MSRA: variants seen among roughly 807,000 people sequenced by gnomAD.
The protein encoded by MSRA is methionine sulfoxide reductase A.
MSRA carries 54 observed loss-of-function variants against 31.3 expected under a neutral mutation model. The observed-to-expected ratio is 1.73, with a 90% confidence interval of 1.39 to 2.17. MSRA has a LOEUF of 2.17. MSRA is among the 30% of genes most tolerant of loss of function. MSRA has a pLI of 0.00. For missense variants in MSRA, 507 were observed against 300.9 expected, an observed-to-expected ratio of 1.69 and a Z score of -5.07; for synonymous variants, 169 against 116.5, an observed-to-expected ratio of 1.45 and a Z score of -2.90.
At chr8:10,249,724 T>C (rs745346374) in intron 3 of MSRA, among the ~76,000 whole-genome samples, 1 of 152,180 alleles carries the variant, frequency 6.6e-6, no homozygotes, top group Non-Finnish European at 1.5e-5. Context: ...TTCTGATGCA[T>C]TTCTGATCTG....
intron 5 of MSRA, among the ~76,000 whole-genome samples, chr8:10,350,602 T>C (rs1008138746): frequency 6.6e-6 from 1 of 152,252 alleles, no homozygotes; most frequent in Non-Finnish European, 1.5e-5. Flanking sequence ...AATGTTTGAA[T>C]TGGAACCAGA....
chr8:10,312,967 C>A (rs180903139), intron 4 of MSRA, among the ~76,000 whole-genome samples: 4 of 152,312 alleles, frequency 2.6e-5, no homozygotes, highest in African/African-American at 9.6e-5. Context: ...ACAGAGAATG[C>A]CATTGCAATT....
At chr8:10,145,651 T>C (rs117597373) in intron 1 of MSRA, among the ~76,000 whole-genome samples, 267 of 152,316 alleles carry the variant, frequency 1.8e-3, no homozygotes, top group Admixed American at 4.0e-3. Flanking sequence ...AATCCTTCAA[T>C]ATAAAAATTA....
At chr8:10,094,489 C>T (rs1799020030) in intron 1 of MSRA, among the ~76,000 whole-genome samples, 1 of 152,150 alleles carries the variant, frequency 6.6e-6, no homozygotes, top group Non-Finnish European at 1.5e-5. Flanking sequence ...AGTTTGGAAG[C>T]AAAGAATAGG....
At chr8:10,331,525 C>T (rs908712915) in intron 5 of MSRA, among the ~76,000 whole-genome samples, 1 of 152,188 alleles carries the variant, frequency 6.6e-6, no homozygotes, top group African/African-American at 2.4e-5. Flanking sequence ...CAGAAGTGTT[C>T]ATTCACATTC....
At chr8:10,263,464 A>T (rs1168297826) in intron 3 of MSRA, among the ~76,000 whole-genome samples, 1 of 152,244 alleles carries the variant, frequency 6.6e-6, no homozygotes, top group Non-Finnish European at 1.5e-5. Flanking sequence ...CAATAGGTTA[A>T]TGCCATATGC....
At chr8:10,387,995 CA>C (rs1348789233) in intron 5 of MSRA, among the ~76,000 whole-genome samples, 1 of 152,158 alleles carries the variant, frequency 6.6e-6, no homozygotes, top group Non-Finnish European at 1.5e-5. Context: ...CATAGTAGTA[CA>C]GGGGAGGGGA....
At chr8:10,299,611 A>G (rs1238670152) in intron 3 of MSRA, among the ~76,000 whole-genome samples, 4 of 152,170 alleles carry the variant, frequency 2.6e-5, no homozygotes, top group Non-Finnish European at 4.4e-5. Flanking sequence ...CAATTAGAGC[A>G]AAGAAGAAAT....
intron 1 of MSRA, among the ~76,000 whole-genome samples, chr8:10,155,702 G>T (rs140019473): frequency 6.6e-6 from 1 of 152,124 alleles, no homozygotes; most frequent in African/African-American, 2.4e-5. Flanking sequence ...TCAAACTTGG[G>T]ATGGTTGGAA....
chr8:10,283,836 T>TATACACACACACACACACAC (rs1261287031), intron 3 of MSRA, among the ~76,000 whole-genome samples: 10 of 53,164 alleles, frequency 1.9e-4, no homozygotes, highest in African/African-American at 7.8e-4. Context: ...TATATATATA[T>TATACACACACACACACACAC]ACACACACAC....
At chr8:10,214,864 G>A (rs1809852426) in intron 2 of MSRA, among the ~76,000 whole-genome samples, 1 of 152,156 alleles carries the variant, frequency 6.6e-6, no homozygotes, top group South Asian at 2.1e-4. Context: ...TTCAACTTTC[G>A]TTTTCTTCTT....
intron 4 of MSRA, among the ~76,000 whole-genome samples, chr8:10,314,965 G>A (rs1158937213): frequency 2.6e-5 from 4 of 152,180 alleles, no homozygotes; most frequent in African/African-American, 9.7e-5. Flanking sequence ...AAAAAGAGGT[G>A]TAATGGACCC....
chr8:10,252,415 A>AT (rs1342656176), intron 3 of MSRA, among the ~76,000 whole-genome samples: 2 of 152,018 alleles, frequency 1.3e-5, no homozygotes, highest in African/African-American at 4.8e-5. Flanking sequence ...GTTAGGCTGG[A>AT]TTTTTTCACC....
chr8:10,173,684 T>C (rs78185186), intron 1 of MSRA, among the ~76,000 whole-genome samples: 3 of 152,190 alleles, frequency 2.0e-5, no homozygotes, highest in South Asian at 4.1e-4. Flanking sequence ...CTTTTCAAGA[T>C]GTTGTCTTCC....
At chr8:10,220,424 A>C (rs539000330) in intron 2 of MSRA, among the ~76,000 whole-genome samples, 1 of 152,204 alleles carries the variant, frequency 6.6e-6, no homozygotes, top group East Asian at 1.9e-4. Context: ...AACTCAAAAC[A>C]ATCTTTCAAA....
chr8:10,234,830 A>G (rs901611583), intron 2 of MSRA, among the ~76,000 whole-genome samples: 3 of 152,130 alleles, frequency 2.0e-5, no homozygotes, highest in African/African-American at 7.2e-5. Context: ...AAAGACTTTA[A>G]TAGCATTAAA....
At chr8:10,152,761 C>A (rs764426128) in intron 1 of MSRA, among the ~76,000 whole-genome samples, 37 of 152,154 alleles carry the variant, frequency 2.4e-4, no homozygotes, top group Non-Finnish European at 4.4e-4. Context: ...CTCCACGTGC[C>A]CGTTGACAGG....
At chr8:10,377,180 T>A (rs1805804211) in intron 5 of MSRA, among the ~76,000 whole-genome samples, 1 of 152,284 alleles carries the variant, frequency 6.6e-6, no homozygotes, top group Non-Finnish European at 1.5e-5. Flanking sequence ...ATTTGCCTGC[T>A]GTACAGGTGG....
At chr8:10,363,305 C>G (rs956996957) in intron 5 of MSRA, among the ~76,000 whole-genome samples, 6 of 152,196 alleles carry the variant, frequency 3.9e-5, no homozygotes, top group African/African-American at 1.4e-4. Context: ...GCGTGCTTTT[C>G]CGGCCCATGA....
Sources: allele counts gnomAD v4.1 joint callset (sites outside exome capture counted in the v4.1 genomes callset), GRCh38; gene constraint gnomAD v4.1.1; transcripts MANE v1.5; gene names NCBI Gene and HGNC (gene_info 2026-07-23, HGNC 2026-07-21).